The following DVL1 variants were observed in gnomAD, a reference collection of about 807,000 sequenced individuals.
The protein encoded by DVL1 is segment polarity protein dishevelled homolog DVL-1.
Under a neutral mutation model 65.0 loss-of-function variants are expected in DVL1, and 49 were observed. The ratio of observed to expected loss-of-function variants is 0.75; its 90% CI spans 0.60 to 0.96. The LOEUF is 0.96. Ranked by LOEUF, DVL1 falls within the 40% of genes least tolerant of loss-of-function variation. The pLI is 0.00. For synonymous variants in DVL1, 608 were observed against 433.9 expected, an observed-to-expected ratio of 1.40 and a Z score of -4.99; for missense variants, 1,197 against 1,045.4, an observed-to-expected ratio of 1.15 and a Z score of -2.00.
chr1:1,341,991 A>G, intron 4 of DVL1, 62 bp downstream of exon 4: 1 of 1,485,612 alleles, frequency 6.7e-7, no homozygotes, highest in Non-Finnish European at 9.1e-7. Context: ...TAGTAGGAAC[A>G]TGGCTCATGG....
chr1:1,341,810 G>T lies in DVL1; in HGVS notation c.467-5C>A, dbSNP rs746483212. On this transcript the variant is annotated splice_polypyrimidine_tract_variant and splice_region_variant and intron_variant, in intron 4 of 14. Coordinates refer to ENST00000378888, the MANE Select transcript of DVL1 (RefSeq NM_001330311.2). The stretch of plus-strand genomic sequence containing the variant: ...GGTGCCCATTGGTCCGGGCGGCTGT[G>T]GGGGCAGCAGGTTGGGAACTGACTG... The T allele has an allele frequency of 5.1e-6, 8 of 1,571,972 alleles. No homozygotes were observed. The highest frequency in any genetic ancestry group is 4.0e-5 in the African/African-American group (3 of 74,362).
chr1:1,348,443 CTTGA>C lies in DVL1; in HGVS notation c.170+449_170+452del, dbSNP rs1264770344. 2.6e-5 allele frequency among the ~76,000 whole-genome samples: 4 copies of C among 152,218 alleles called. No individual in the cohort carries two copies. In the East Asian group the frequency reaches 7.7e-4, roughly 29 times the overall value. ...GCAGAAGGGGGCCAGGAGAACCTGT[CTTGA>C]CCCTCGGGAAGCTTCTGCAAACCCT... On this transcript the variant is annotated intron_variant, in intron 1 of 14. Transcript: ENST00000378888.
rs147309836 is a variant in DVL1, at chr1:1,338,324, G to A, written c.1452C>T (p.Val484=). ...ACTGCTCGGAGAAGGTGATCTTGTTGACCGTGTGCCGCAGGAAGCCGTGCT... is the reference window on the plus strand; with the variant it reads ...ACTGCTCGGAGAAGGTGATCTTGTTAACCGTGTGCCGCAGGAAGCCGTGCT... The part of the protein sequence containing the change: ...LLKHGFLRHT[V]NKITFSEQCY... Residue 484 remains valine, a synonymous_variant, in exon 13 of 15, where the codon GTC becomes GTT. Transcript: ENST00000378888. The A allele has an allele frequency of 3.2e-6, 5 of 1,568,542 alleles. No individual in the cohort carries two copies. The highest frequency in any genetic ancestry group is 1.4e-5 in the African/African-American group (1 of 71,702).
chr1:1,341,059 G>T (rs549892394), intron 5 of DVL1, among the ~76,000 whole-genome samples: 35 of 134,266 alleles, frequency 2.6e-4, no homozygotes, highest in African/African-American at 9.1e-4. Context: ...GCACACACAT[G>T]CACACCTGCA....
At chr1:1,342,586 C>A (rs1643866443) in intron 2 of DVL1, 102 bp from the exon 3 acceptor site, 2 of 1,574,786 alleles carry the variant, frequency 1.3e-6, no homozygotes, top group Non-Finnish European at 1.7e-6. Context: ...CTATCCGCAC[C>A]CAGCCTGCCA....
At chr1:1,337,592 T>C (rs1039867923) in intron 14 of DVL1, 16 of 396,628 alleles carry the variant, frequency 4.0e-5, no homozygotes, top group Admixed American at 2.9e-4. Context: ...GCCTCTACCA[T>C]AGGAGAACCA....
At chr1:1,340,692 A>C (rs1312088200) in intron 5 of DVL1, among the ~76,000 whole-genome samples, 189 bp from the exon 6 acceptor site, 1 of 150,532 alleles carries the variant, frequency 6.6e-6, no homozygotes, top group Non-Finnish European at 1.5e-5. Flanking sequence ...AAAATCCCAG[A>C]GACAGGCAAA....
chr1:1,340,400 G>C lies in DVL1; in HGVS notation c.699+10C>G, dbSNP rs758840205. On this transcript the variant is annotated intron_variant, in intron 6 of 14. Coordinates refer to ENST00000378888, the MANE Select transcript of DVL1 (RefSeq NM_001330311.2). ...TCCCCAGCCCCGCCCTGCTCCACCC[G>C]GCTGCCTACCCGGTCCGCCTGCCGA... The C allele has an allele frequency of 6.2e-7, 1 of 1,611,418 alleles. No homozygotes were observed. The highest frequency in any genetic ancestry group is 1.7e-5 in the Admixed American group (1 of 59,584).
chr1:1,342,728 A>G lies in DVL1; in HGVS notation c.201T>C (p.Asn67=). Residue 67 remains asparagine, a synonymous_variant, in exon 2 of 15, where the codon AAT becomes AAC. Transcript: ENST00000378888. ...GVVKEEIFDD[N]AKLPCFNGRV... ...GGCCGTTGAAGCAGGGAAGCTTGGCATTGTCATCAAAGATCTCCTCCTTCA... is the reference window on the plus strand; with the variant it reads ...GGCCGTTGAAGCAGGGAAGCTTGGCGTTGTCATCAAAGATCTCCTCCTTCA... 3 of 1,613,052 alleles carry G rather than the reference A, an allele frequency of 1.9e-6. No individual in the cohort carries two copies. The highest frequency in any genetic ancestry group is 2.5e-6 in the Non-Finnish European group (3 of 1,179,764).
rs1416846977 is a variant in DVL1 at position 1,349,015 on chromosome 1, G to A, written c.51C>T (p.Tyr17=). The part of the protein sequence containing the change: ...IYHMDEEETP[Y]LVKLPVAPER... ...CGGGGGCCACGGGCAGCTTGACCAGGTACGGCGTCTCCTCCTCGTCCATGT... is the reference window on the plus strand; with the variant it reads ...CGGGGGCCACGGGCAGCTTGACCAGATACGGCGTCTCCTCCTCGTCCATGT... Residue 17 remains tyrosine (Y), a synonymous_variant, in exon 1 of 15, where the codon TAC becomes TAT. Transcript: ENST00000378888. This position sits in a 1 kb window ranked among gnomAD's most constrained non-coding sequence, Gnocchi z 4.1. 2.5e-6 allele frequency: 4 copies of A among 1,571,340 alleles called. No individual in the cohort carries two copies. Among genetic ancestry groups the A allele is most frequent in the East Asian group, 2.5e-5 (1 of 40,516 alleles).
rs2100748359 is a variant in DVL1 at position 1,341,809 on chromosome 1, T to C, written c.467-4A>G. 1 of 1,574,638 alleles carries C rather than the reference T, an allele frequency of 6.4e-7. No individual in the cohort carries two copies. The highest frequency in any genetic ancestry group is 8.7e-7 in the Non-Finnish European group (1 of 1,155,376). On this transcript the variant is annotated splice_polypyrimidine_tract_variant and splice_region_variant and intron_variant, in intron 4 of 14. Coordinates refer to ENST00000378888, the MANE Select transcript of DVL1 (RefSeq NM_001330311.2). ...GGGTGCCCATTGGTCCGGGCGGCTG[T>C]GGGGGCAGCAGGTTGGGAACTGACT... is the stretch of plus-strand genomic sequence containing the variant.
rs1047404649 is a variant in DVL1, at chr1:1,336,266, C to A, written c.1964G>T (p.Gly655Val). Residue 655 changes from glycine to valine, a missense_variant, in exon 15 of 15, where the codon GGG becomes GTG. By Grantham distance (109) the Gly-to-Val change is moderately radical. Coordinates refer to ENST00000378888, the MANE Select transcript of DVL1 (RefSeq NM_001330311.2). ...GACAGGGGGTCCCCCGGGTGGCCCC[C>A]CCACCACTGTATAGGCCTTGGTCGT... ...HPTTKAYTVV[G>V]GPPGGPPVRE... is the part of the protein sequence containing the mutation. The A allele has an allele frequency of 1.9e-6, 3 of 1,562,812 alleles. No homozygotes were observed. The African/African-American group carries it at 4.0e-5, about 21-fold the overall frequency.
intron 11 of DVL1, among the ~76,000 whole-genome samples, chr1:1,339,063 G>A (rs1282098460): frequency 2.6e-5 from 4 of 152,198 alleles, no homozygotes; most frequent in African/African-American, 4.8e-5. Flanking sequence ...CCCCGCATAG[G>A]GGCCCTACGT....
At position 1,338,052 on chromosome 1, in the gene DVL1, G is replaced by C; in HGVS notation, c.1639C>G (p.Pro547Ala). 1 of 1,611,546 alleles carries C rather than the reference G, an allele frequency of 6.2e-7. No homozygotes were observed. Among genetic ancestry groups the C allele is most frequent in the Non-Finnish European group, 8.5e-7 (1 of 1,179,494 alleles). ...GYPYQYPGPP[P>A]CFPPAYQDPG... ...TCCTGGTAGGCAGGCGGGAAGCAGG[G>C]TGGGGGTCCCGGGTACTGGTAGGGG... Residue 547 changes from proline to alanine, a missense_variant, in exon 14 of 15, where the codon CCC becomes GCC. Pro to Ala is a conservative substitution (Grantham distance 27). Coordinates refer to ENST00000378888, the MANE Select transcript of DVL1 (RefSeq NM_001330311.2).
At chr1:1,344,874 C>G (rs1023679832) in intron 1 of DVL1, among the ~76,000 whole-genome samples, 1 of 152,268 alleles carries the variant, frequency 6.6e-6, no homozygotes, top group South Asian at 2.1e-4. Context: ...AGGGTCCCCA[C>G]CTCAGTCCCT....
In DVL1 at chr1:1,338,661, GCA is replaced by G. The variant is rs1163683246; in HGVS notation, c.1208-10_1208-9del. 11 of 1,606,964 alleles carry G rather than the reference GCA, an allele frequency of 6.8e-6. No homozygotes were observed. Among genetic ancestry groups the G allele is most frequent in the Non-Finnish European group, 9.3e-6 (11 of 1,178,840 alleles). On this transcript the variant is annotated splice_polypyrimidine_tract_variant and intron_variant, in intron 11 of 14. Coordinates refer to ENST00000378888, the MANE Select transcript of DVL1 (RefSeq NM_001330311.2). ...GCGGCGCCTCTTCCAGCTCTGCAAAGCACAGACAGCCCCGCTTCAGCCCCAGC... is the reference window on the plus strand; with the variant it reads ...GCGGCGCCTCTTCCAGCTCTGCAAAGCAGACAGCCCCGCTTCAGCCCCAGC...
chr1:1,343,793 C>G (rs1340275921), intron 1 of DVL1, among the ~76,000 whole-genome samples: 1 of 152,210 alleles, frequency 6.6e-6, no homozygotes, highest in Non-Finnish European at 1.5e-5. Context: ...TCCACCTAGC[C>G]AGGGAGACAA....
chr1:1,337,169 T>C (rs977965277), intron 14 of DVL1: 1 of 890,014 alleles, frequency 1.1e-6, no homozygotes, highest in South Asian at 5.0e-5. Context: ...GGGGCTGAAG[T>C]GGGCGCAAGC....
rs201122929 is a variant in DVL1, at chr1:1,340,429, C to T, written c.680G>A (p.Arg227His). Residue 227 changes from arginine (R) to histidine (H), a missense_variant, in exon 6 of 15, where the codon CGC becomes CAC. Transcript: ENST00000378888. Reference protein sequence around the residue: ...RKHKRRRRKQRLRQADRASSF... With the variant: ...RKHKRRRRKQHLRQADRASSF... ...GCCTACCCGGTCCGCCTGCCGAAGG[C>T]GCTGCTTCCTCCGCCGGCGTTTGTG... 8 of 1,612,492 alleles carry T rather than the reference C, an allele frequency of 5.0e-6. No homozygotes were observed. The highest frequency in any genetic ancestry group is 2.2e-5 in the East Asian group (1 of 44,828).
Sources: gnomAD v4.1 joint callset for allele counts (sites outside exome capture counted in the v4.1 genomes callset) on GRCh38, gnomAD v4.1.1 for gene constraint, Gnocchi (gnomAD v3.1) non-coding constraint, MANE v1.5 for transcripts, NCBI Gene and HGNC (gene_info 2026-07-23, HGNC 2026-07-21) for gene names.